FGGY: variants seen among roughly 807,000 people sequenced by gnomAD.
FGGY encodes FGGY carbohydrate kinase domain-containing protein.
Under a neutral mutation model 71.3 loss-of-function variants are expected in FGGY, and 72 were observed. The observed-to-expected ratio is 1.01, with a 90% confidence interval of 0.84 to 1.23. FGGY has a LOEUF of 1.23. Ranked by LOEUF, FGGY falls within the 50% of genes most tolerant of loss-of-function variation. The pLI, the probability that FGGY is intolerant of heterozygous loss-of-function variation, is 0.00. For synonymous variants in FGGY, 251 were observed against 250.3 expected (o/e 1.00, Z -0.02); for missense variants, 668 against 682.3 (o/e 0.98, Z 0.23).
intron 7 of FGGY, among the ~76,000 whole-genome samples, chr1:59,520,515 C>T (rs2094797205): frequency 1.3e-5 from 2 of 152,216 alleles, no homozygotes; most frequent in African/African-American, 4.8e-5. Flanking sequence ...CAATCACTCT[C>T]TATGCTGTAT....
chr1:59,658,773 T>C (rs1029102165), intron 11 of FGGY, among the ~76,000 whole-genome samples: 1 of 152,354 alleles, frequency 6.6e-6, no homozygotes. Context: ...TCAGGGCCTC[T>C]GTCAGCAATT....
At chr1:59,310,298 A>G (rs1397241038) in intron 1 of FGGY, 1 of 152,228 alleles carries the variant, frequency 6.6e-6, no homozygotes, top group Non-Finnish European at 1.5e-5. Flanking sequence ...AAATCATTTC[A>G]TAGTTAATTA....
intron 14 of FGGY, among the ~76,000 whole-genome samples, chr1:59,703,087 G>A (rs376838515): frequency 1.1e-4 from 17 of 152,244 alleles, no homozygotes; most frequent in African/African-American, 2.4e-4. Flanking sequence ...AGGGTTATTC[G>A]TAAAAATTAA....
intron 14 of FGGY, among the ~76,000 whole-genome samples, chr1:59,753,434 G>GTCATTTT (rs2098262559): frequency 7.2e-6 from 1 of 138,210 alleles, no homozygotes; most frequent in Non-Finnish European, 1.5e-5. Context: ...GTGAGCCCGA[G>GTCATTTT]TCATTTTGAC....
chr1:59,748,332 G>A (rs2098217072), intron 14 of FGGY, among the ~76,000 whole-genome samples: 2 of 152,146 alleles, frequency 1.3e-5, no homozygotes, highest in Admixed American at 1.3e-4. Context: ...ATGAGATGAT[G>A]TCATAGATGT....
intron 14 of FGGY, chr1:59,699,258 G>C: frequency 1.0e-6 from 1 of 985,008 alleles, no homozygotes; most frequent in Non-Finnish European, 1.2e-6. Flanking sequence ...TTCTTCTTGG[G>C]GTGAGCCTTT....
chr1:59,421,959 A>G (rs1285900743), intron 5 of FGGY, among the ~76,000 whole-genome samples: 1 of 152,138 alleles, frequency 6.6e-6, no homozygotes, highest in Non-Finnish European at 1.5e-5. Context: ...TCCCACCCTT[A>G]CTTTGTTACT....
At chr1:59,573,554 G>A (rs1226223872) in intron 8 of FGGY, among the ~76,000 whole-genome samples, 1 of 151,942 alleles carries the variant, frequency 6.6e-6, no homozygotes, top group African/African-American at 2.4e-5. Context: ...GAAAATCTAG[G>A]TGAATATTAT....
intron 4 of FGGY, among the ~76,000 whole-genome samples, chr1:59,363,352 A>G (rs2055965661): frequency 6.6e-6 from 1 of 152,214 alleles, no homozygotes; most frequent in Non-Finnish European, 1.5e-5. Flanking sequence ...TGACATTCTA[A>G]GTAATAATAA....
intron 8 of FGGY, among the ~76,000 whole-genome samples, chr1:59,586,523 G>C (rs2096290851): frequency 6.6e-6 from 1 of 152,120 alleles, no homozygotes; most frequent in Non-Finnish European, 1.5e-5. Context: ...CGGGGGAGTG[G>C]GGAGGGATAG....
chr1:59,595,694 AAAT>A (rs1390221211), intron 8 of FGGY, among the ~76,000 whole-genome samples: 4 of 152,144 alleles, frequency 2.6e-5, no homozygotes, highest in Non-Finnish European at 4.4e-5. Flanking sequence ...CATCTCAAAA[AAAT>A]AATAATAAAA....
chr1:59,497,243 A>C (rs1242396455), intron 6 of FGGY, among the ~76,000 whole-genome samples: 1 of 152,198 alleles, frequency 6.6e-6, no homozygotes, highest in East Asian at 1.9e-4. Context: ...AGAGGAAAAA[A>C]AGTGCTTGAA....
intron 11 of FGGY, among the ~76,000 whole-genome samples, chr1:59,651,013 G>A (rs974240231): frequency 6.6e-6 from 1 of 151,488 alleles, no homozygotes; most frequent in Non-Finnish European, 1.5e-5. Context: ...TATGTACCCA[G>A]TAGTCATTCA....
chr1:59,504,656 C>T (rs2094331807), intron 6 of FGGY, among the ~76,000 whole-genome samples: 1 of 152,092 alleles, frequency 6.6e-6, no homozygotes, highest in South Asian at 2.1e-4. Flanking sequence ...CCTCAACAGC[C>T]TTGAGATACT....
chr1:59,360,761 G>A (rs1397330250), intron 4 of FGGY, among the ~76,000 whole-genome samples: 1 of 152,162 alleles, frequency 6.6e-6, no homozygotes, highest in East Asian at 1.9e-4. Flanking sequence ...TAAGAGTGAA[G>A]GGAAATGGAA....
intron 6 of FGGY, among the ~76,000 whole-genome samples, chr1:59,504,032 T>A (rs2094312014): frequency 1.3e-5 from 2 of 152,124 alleles, no homozygotes; most frequent in Admixed American, 1.3e-4. Flanking sequence ...CTTGCTGGAT[T>A]TAGATCATAT....
intron 6 of FGGY, among the ~76,000 whole-genome samples, chr1:59,497,889 T>G (rs2094096250): frequency 6.8e-6 from 1 of 148,140 alleles, no homozygotes; most frequent in Admixed American, 6.8e-5. Flanking sequence ...GCTGCCCCAT[T>G]TTTCCGTACG....
intron 14 of FGGY, among the ~76,000 whole-genome samples, chr1:59,710,242 G>A (rs569130418): frequency 8.1e-4 from 123 of 152,238 alleles, no homozygotes; most frequent in South Asian, 7.3e-3. Context: ...CTGGCTAGCC[G>A]TATGCAGAAA....
intron 13 of FGGY, among the ~76,000 whole-genome samples, chr1:59,667,791 A>G (rs2097338791): frequency 6.6e-6 from 1 of 152,220 alleles, no homozygotes; most frequent in African/African-American, 2.4e-5. Context: ...CTCACAGTCT[A>G]TTGAGGAAGG....
Sources: gnomAD v4.1 joint callset for allele counts (sites outside exome capture counted in the v4.1 genomes callset) on GRCh38, gnomAD v4.1.1 for gene constraint, MANE v1.5 for transcripts, NCBI Gene and HGNC (gene_info 2026-07-23, HGNC 2026-07-21) for gene names.